The following PTRH1 variants were observed in gnomAD, a reference collection of about 807,000 sequenced individuals.
PTRH1 encodes the protein peptidyl-tRNA hydrolase.
In PTRH1, 13 loss-of-function variants were observed where a neutral mutation model predicts 15.7. The ratio of observed to expected loss-of-function variants is 0.83; its 90% confidence interval spans 0.54 to 1.31. PTRH1 has a LOEUF of 1.31. Ranked by LOEUF, PTRH1 falls within the 40% of genes most tolerant of loss-of-function variation. The pLI, the probability that PTRH1 is intolerant of heterozygous loss-of-function variation, is 0.00. For synonymous variants in PTRH1, 139 were observed against 136.7 expected (o/e 1.02, Z -0.12); for missense variants, 319 against 296.2 (o/e 1.08, Z -0.56).
downstream of PTRH1, chr9:127,713,339 T>C (rs1181417806): frequency 1.4e-6 from 1 of 713,954 alleles, no homozygotes; most frequent in Admixed American, 3.5e-5. Flanking sequence ...ATCTGTAAAA[T>C]GGGCTGAAGA....
downstream of PTRH1, chr9:127,711,490 C>G: frequency 1.2e-6 from 2 of 1,612,968 alleles, no homozygotes; most frequent in Non-Finnish European, 1.7e-6. Context: ...AAAGAGGCCA[C>G]CAGAAGGTGT....
downstream of PTRH1, chr9:127,711,803 C>T (rs1301550627): frequency 6.4e-7 from 1 of 1,552,932 alleles, no homozygotes; most frequent in South Asian, 1.2e-5. Context: ...GGCATGGCCA[C>T]CTGTCCGCAC....
intron 1 of PTRH1, chr9:127,707,123 C>T (rs764881757): frequency 6.2e-6 from 10 of 1,613,660 alleles, no homozygotes; most frequent in East Asian, 4.5e-5. Context: ...GCCGTGGAGC[C>T]GCCTCTGGCC....
At position 127,705,802 on chromosome 9, in the gene PTRH1, C is replaced by T. The variant is rs1053915079; in HGVS notation, c.205+9633G>A. On this transcript the variant is annotated intron_variant, in intron 1 of 2. Coordinates refer to the PTRH1 transcript ENST00000335223. The surrounding 1 kb of genome is among the most constrained non-coding windows in gnomAD (Gnocchi z 4.7). Reference sequence around the variant, plus strand: ...CCCCGCTCTCCCCACAAGGCCTGGGCAGCCAGAGCTCCCTCACTTGTAAGT... The same window carrying T: ...CCCCGCTCTCCCCACAAGGCCTGGGTAGCCAGAGCTCCCTCACTTGTAAGT... Among the ~76,000 whole-genome samples, 1 of 152,212 alleles carries T rather than the reference C, an allele frequency of 6.6e-6. No individual in the cohort carries two copies. The highest frequency in any genetic ancestry group is 2.4e-5 in the African/African-American group (1 of 41,464).
downstream of PTRH1, chr9:127,712,544 G>C: frequency 6.6e-7 from 1 of 1,519,204 alleles, no homozygotes. Context: ...TTCCTTCTCT[G>C]AGGCTCTGAA....
At chr9:127,707,013 G>A (rs763173654) in intron 1 of PTRH1, 4 of 1,612,718 alleles carry the variant, frequency 2.5e-6, no homozygotes, top group Non-Finnish European at 2.5e-6. Context: ...GGGGCCTGGA[G>A]CCCTGGTTGC....
At chr9:127,712,199 G>A (rs1842781761), downstream of PTRH1, 4 of 1,613,920 alleles carry the variant, frequency 2.5e-6, no homozygotes, top group East Asian at 6.7e-5. Context: ...TGGGGTCCAG[G>A]AGCCAGAGAG....
intron 1 of PTRH1, chr9:127,695,768 T>A (rs1842555155): frequency 6.6e-6 from 1 of 152,228 alleles, no homozygotes; most frequent in Admixed American, 6.5e-5. Context: ...GCGTTCATCC[T>A]CCTTCATTCA....
chr9:127,707,268 G>C, intron 1 of PTRH1: 1 of 1,525,638 alleles, frequency 6.6e-7, no homozygotes, highest in East Asian at 2.3e-5. Flanking sequence ...TGCAGGTTTG[G>C]CCATGGGGCC....
Position 127,714,940 on chromosome 9 carries a change from G to A in PTRH1, c.316+35C>T, listed in dbSNP as rs1001606731. 10 of 282,372 alleles carry A rather than the reference G, an allele frequency of 3.5e-5. No homozygotes were observed. In the African/African-American group the frequency reaches 3.6e-4, roughly 10 times the overall value. The allele number at this position is 282,372 out of a possible 1,614,324, so 17.5% of individuals were successfully genotyped here. A position where few individuals can be genotyped will look rare whatever the true frequency, so the allele number is the denominator to read the frequency against. On this transcript the variant is annotated intron_variant, in intron 2 of 4. Transcript: ENST00000543175. ...CCCGCGCCCCAACCCCCACCCCCTTGGCCCGCCCGCCCACCCCTGGCGCTC... is the reference window on the plus strand; with the variant it reads ...CCCGCGCCCCAACCCCCACCCCCTTAGCCCGCCCGCCCACCCCTGGCGCTC...
chr9:127,712,041 G>A, downstream of PTRH1: 4 of 1,520,068 alleles, frequency 2.6e-6, no homozygotes, highest in Non-Finnish European at 2.7e-6. Context: ...CCAGGCCAGT[G>A]ACTTCCCCTC....
chr9:127,710,282 C>CAAAAAAA (rs60165824), downstream of PTRH1, among the ~76,000 whole-genome samples: 2 of 82,620 alleles, frequency 2.4e-5, no homozygotes, highest in African/African-American at 5.0e-5. Context: ...GACCCTGTCT[C>CAAAAAAA]AAAAAAAAAA....
At chr9:127,711,777 G>A (rs749514951), downstream of PTRH1, 26 of 1,540,150 alleles carry the variant, frequency 1.7e-5, no homozygotes, top group East Asian at 5.4e-4. Context: ...GCAGCTGGGG[G>A]ACAGGGCAGG....
rs530259746 is a variant in PTRH1 at position 127,706,062 on chromosome 9, T to C, written c.205+9373A>G. ...GTGCCCCCAGCATCCCTGGACCGTA[T>C]CCCTGCACAGGGAACTTTACAGATG... On this transcript the variant is annotated intron_variant, in intron 1 of 2. Transcript: ENST00000335223. 1.2e-4 allele frequency among the ~76,000 whole-genome samples: 18 copies of C among 152,334 alleles called. No homozygotes were observed. In the South Asian group the frequency reaches 2.1e-3, roughly 18 times the overall value.
intron 1 of PTRH1, chr9:127,695,257 A>G: frequency 1.7e-6 from 1 of 600,880 alleles, no homozygotes; most frequent in South Asian, 2.1e-5. Context: ...TTAAAAATGC[A>G]TGACACACAG....
intron 1 of PTRH1, among the ~76,000 whole-genome samples, chr9:127,704,382 C>T (rs1444742865): frequency 6.6e-6 from 1 of 151,414 alleles, no homozygotes; most frequent in African/African-American, 2.4e-5. Flanking sequence ...GTGGTGCGTG[C>T]GTGTAGTCCC....
chr9:127,697,840 T>C (rs577705244), intron 1 of PTRH1, among the ~76,000 whole-genome samples: 1 of 152,190 alleles, frequency 6.6e-6, no homozygotes, highest in Non-Finnish European at 1.5e-5. Context: ...TGCCTCTTTA[T>C]GAAGGGGAAG....
chr9:127,702,024 C>T (rs1252902572), intron 1 of PTRH1, among the ~76,000 whole-genome samples: 3 of 151,722 alleles, frequency 2.0e-5, no homozygotes, highest in South Asian at 2.1e-4. Context: ...AAGTTCGAGA[C>T]GAGCCTGGGC....
downstream of PTRH1, chr9:127,709,603 G>A (rs1018231636): frequency 3.7e-6 from 6 of 1,614,022 alleles, no homozygotes; most frequent in Non-Finnish European, 5.1e-6. This position sits in a 1 kb window ranked among gnomAD's most constrained non-coding sequence, Gnocchi z 4.7. Flanking sequence ...CAAAGAGATG[G>A]AGAAGGATGC....
Sources: gnomAD v4.1 joint callset for allele counts (sites outside exome capture counted in the v4.1 genomes callset) on GRCh38, gnomAD v4.1.1 for gene constraint, Gnocchi (gnomAD v3.1) non-coding constraint, MANE v1.5 for transcripts, NCBI Gene and HGNC (gene_info 2026-07-23, HGNC 2026-07-21) for gene names.